FAM78B: variants seen among roughly 807,000 people sequenced by gnomAD.
FAM78B encodes the protein protein FAM78B.
Under a neutral mutation model 20.0 loss-of-function variants are expected in FAM78B, and 10 were observed. The observed-to-expected ratio is 0.50, with a 90% CI of 0.31 to 0.85. The LOEUF (loss-of-function observed/expected upper bound fraction) is 0.85, where lower values mean the gene tolerates loss of function less well. Among genes scored for constraint, FAM78B ranks in the 40% least tolerant of loss-of-function variants. The pLI is 0.05. For missense variants in FAM78B, 283 were observed against 345.0 expected, an observed-to-expected ratio of 0.82 and a Z score of 1.42; for synonymous variants, 135 against 132.8, an observed-to-expected ratio of 1.02 and a Z score of -0.12.
chr1:166,077,873 AT>A (rs1343223802), intron 1 of FAM78B, among the ~76,000 whole-genome samples: 2 of 3,490 alleles, frequency 5.7e-4, no homozygotes, highest in Admixed American at 0.013. Context: ...TATATATATA[AT>A]TATATATATA....
At chr1:166,153,393 A>G (rs1014949445) in intron 1 of FAM78B, among the ~76,000 whole-genome samples, 37 of 152,384 alleles carry the variant, frequency 2.4e-4, no homozygotes, top group African/African-American at 8.9e-4. Flanking sequence ...AGCCGGTAGA[A>G]CTTGGGATGG....
chr1:166,088,690 C>A (rs1346444724), intron 1 of FAM78B, among the ~76,000 whole-genome samples: 2 of 152,158 alleles, frequency 1.3e-5, no homozygotes, highest in African/African-American at 4.8e-5. Context: ...CTGTGAAGGG[C>A]TTCCTGACTG....
chr1:166,083,421 ACCACGTGG>A (rs1168657299), intron 1 of FAM78B, among the ~76,000 whole-genome samples: 1 of 152,210 alleles, frequency 6.6e-6, no homozygotes, highest in Non-Finnish European at 1.5e-5. Flanking sequence ...ACCACCTGCT[ACCACGTGG>A]CCTTGGACAA....
intron 1 of FAM78B, among the ~76,000 whole-genome samples, chr1:166,117,437 C>T (rs1353343478): frequency 6.6e-6 from 1 of 152,004 alleles, no homozygotes; most frequent in African/African-American, 2.4e-5. Context: ...ATTTAGACAA[C>T]CAGCTTTTAG....
chr1:166,158,103 C>T (rs1240174371), intron 1 of FAM78B, among the ~76,000 whole-genome samples: 1 of 152,174 alleles, frequency 6.6e-6, no homozygotes, highest in Non-Finnish European at 1.5e-5. Flanking sequence ...GGTCCATTAT[C>T]ACTATTTTGC....
intron 1 of FAM78B, among the ~76,000 whole-genome samples, chr1:166,160,934 T>C (rs1656123679): frequency 6.6e-6 from 1 of 152,118 alleles, no homozygotes; most frequent in African/African-American, 2.4e-5. Context: ...GGATCCCAAT[T>C]TCAACTGTGA....
intron 1 of FAM78B, among the ~76,000 whole-genome samples, chr1:166,128,711 T>C (rs1654733336): frequency 6.6e-6 from 1 of 152,166 alleles, no homozygotes; most frequent in Admixed American, 6.5e-5. Context: ...GGAGAGAACA[T>C]GGCATTGAGT....
At chr1:166,137,900 G>C (rs554440906) in intron 1 of FAM78B, among the ~76,000 whole-genome samples, 153 of 152,342 alleles carry the variant, frequency 1.0e-3, no homozygotes, top group African/African-American at 3.4e-3. Flanking sequence ...GGGAACCAAG[G>C]TTAACAGCAG....
intron 1 of FAM78B, among the ~76,000 whole-genome samples, chr1:166,122,413 A>G (rs543973673): frequency 6.6e-6 from 1 of 152,346 alleles, no homozygotes; most frequent in African/African-American, 2.4e-5. Context: ...AGCCACCTCT[A>G]TCTAAATTGG....
In FAM78B at chr1:166,166,399, C is replaced by G; in HGVS notation, c.-151G>C. 1 of 618,734 alleles carries G rather than the reference C, an allele frequency of 1.6e-6. No homozygotes were observed. The highest frequency in any genetic ancestry group is 2.0e-6 in the Non-Finnish European group (1 of 487,822). 38.3% of individuals were successfully genotyped at this position (618,734 alleles called of 1,614,324 possible). ...TAGGAGCGGGGAGCCGCCGGGCATC[C>G]TTGGGGAAGCCCCCTCCTCTTGCAG... On this transcript the variant is annotated 5_prime_UTR_variant, in exon 1 of 2. Transcript: ENST00000354422.
At chr1:166,096,607 T>G (rs1653284255) in intron 1 of FAM78B, among the ~76,000 whole-genome samples, 2 of 152,186 alleles carry the variant, frequency 1.3e-5, no homozygotes, top group Admixed American at 1.3e-4. Context: ...GTGCCTCAGT[T>G]TCCTCATCTG....
intron 1 of FAM78B, among the ~76,000 whole-genome samples, chr1:166,160,174 T>C (rs1290970200): frequency 1.3e-5 from 2 of 152,224 alleles, no homozygotes; most frequent in Admixed American, 1.3e-4. Context: ...CCCAACTGTG[T>C]GACCATCTCT....
chr1:166,147,637 A>AT (rs113931005), intron 1 of FAM78B: 4,082 of 147,826 alleles, frequency 0.028, 136 homozygotes, highest in East Asian at 0.088. Flanking sequence ...AAACACCATG[A>AT]TTTTTTTTTT....
intron 1 of FAM78B, among the ~76,000 whole-genome samples, chr1:166,159,783 C>G (rs1656074430): frequency 6.6e-6 from 1 of 152,240 alleles, no homozygotes; most frequent in African/African-American, 2.4e-5. Context: ...TTTGTTTCCT[C>G]CCCTATCTCT....
At chr1:166,130,243 C>A (rs916415300) in intron 1 of FAM78B, among the ~76,000 whole-genome samples, 4 of 152,206 alleles carry the variant, frequency 2.6e-5, no homozygotes, top group African/African-American at 9.6e-5. Context: ...GACAAACTTA[C>A]CTGAATCGCA....
intron 1 of FAM78B, among the ~76,000 whole-genome samples, chr1:166,122,275 C>T (rs1396766239): frequency 6.6e-6 from 1 of 152,080 alleles, no homozygotes; most frequent in Non-Finnish European, 1.5e-5. Context: ...ACAGATCAGC[C>T]TGAAAGCAGG....
At chr1:166,085,174 T>C (rs1045882103) in intron 1 of FAM78B, among the ~76,000 whole-genome samples, 3 of 152,326 alleles carry the variant, frequency 2.0e-5, no homozygotes, top group African/African-American at 7.2e-5. Flanking sequence ...TAGCATCCCA[T>C]GGACTGTTTT....
chr1:166,123,606 T>A (rs1571184003), intron 1 of FAM78B, among the ~76,000 whole-genome samples: 1 of 152,282 alleles, frequency 6.6e-6, no homozygotes, highest in South Asian at 2.1e-4. Flanking sequence ...TTTGCAAATA[T>A]CAGAAACCAA....
At chr1:166,075,656 T>G (rs1162111701) in intron 1 of FAM78B, among the ~76,000 whole-genome samples, 1 of 152,232 alleles carries the variant, frequency 6.6e-6, no homozygotes, top group Non-Finnish European at 1.5e-5. Flanking sequence ...TCTCTTTATA[T>G]CTCATTATTT....
Sources: allele counts gnomAD v4.1 joint callset (sites outside exome capture counted in the v4.1 genomes callset), GRCh38; gene constraint gnomAD v4.1.1; transcripts MANE v1.5; gene names NCBI Gene and HGNC (gene_info 2026-07-23, HGNC 2026-07-21).